The following TENM4 variants were observed in gnomAD, a reference collection of about 807,000 sequenced individuals.
TENM4 encodes teneurin transmembrane protein 4, also known as teneurin-4.
In TENM4, 82 loss-of-function variants were observed where a neutral mutation model predicts 243.3. The ratio of observed to expected loss-of-function variants is 0.34; its 90% CI spans 0.28 to 0.40. TENM4 has a LOEUF of 0.40. TENM4 is among the 10% of genes least tolerant of loss of function. TENM4 has a pLI of 1.00. For synonymous variants in TENM4, 1,412 were observed against 1,456.3 expected (o/e 0.97, Z 0.69); for missense variants, 3,138 against 3,673.3 (o/e 0.85, Z 3.77).
intron 6 of TENM4, among the ~76,000 whole-genome samples, chr11:78,934,683 T>C (rs1163306208): frequency 6.6e-6 from 1 of 152,214 alleles, no homozygotes; most frequent in Non-Finnish European, 1.5e-5. Context: ...AGCCATTACC[T>C]AGAGCAAGCT....
rs775776810 is a variant in TENM4, at chr11:78,729,366, G to C, written c.3406+10C>G. On this transcript the variant is annotated intron_variant, in intron 22 of 33. Coordinates refer to ENST00000278550, the MANE Select transcript of TENM4 (RefSeq NM_001098816.3). Reference sequence around the variant, plus strand: ...AGCTATTCTCTGAGTCCTGCAGCCGGGAGGCTTACCAAAGGCTTCTGAAAG... The same window carrying C: ...AGCTATTCTCTGAGTCCTGCAGCCGCGAGGCTTACCAAAGGCTTCTGAAAG... 2.6e-6 allele frequency: 4 copies of C among 1,564,748 alleles called. No individual in the cohort carries two copies. In the South Asian group the frequency reaches 3.5e-5, roughly 14 times the overall value.
chr11:78,977,912 T>G (rs1389825773), intron 6 of TENM4, among the ~76,000 whole-genome samples: 1 of 152,220 alleles, frequency 6.6e-6, no homozygotes. Context: ...TACATATGTT[T>G]ATTGCAGCAC....
At chr11:78,967,358 A>T (rs1241877979) in intron 6 of TENM4, among the ~76,000 whole-genome samples, 1 of 152,248 alleles carries the variant, frequency 6.6e-6, no homozygotes, top group Non-Finnish European at 1.5e-5. Context: ...GAGTACCTTG[A>T]TTATGGCACA....
chr11:79,265,456 A>G (rs375796405), intron 2 of TENM4, among the ~76,000 whole-genome samples: 31 of 152,252 alleles, frequency 2.0e-4, no homozygotes, highest in South Asian at 8.3e-4. Flanking sequence ...AAGAATTTAC[A>G]TTTTTCTTAA....
chr11:78,984,540 T>C (rs972086260), intron 6 of TENM4, among the ~76,000 whole-genome samples: 3 of 152,140 alleles, frequency 2.0e-5, no homozygotes, highest in Non-Finnish European at 2.9e-5. Flanking sequence ...AGTGCCTGAA[T>C]CCCATCTACA....
intron 23 of TENM4, among the ~76,000 whole-genome samples, chr11:78,723,743 C>A (rs893502734): frequency 6.6e-6 from 1 of 152,218 alleles, no homozygotes; most frequent in Non-Finnish European, 1.5e-5. Context: ...GCTGCCTCAC[C>A]TCTTCCATAC....
Position 78,767,001 on chromosome 11 carries a change from A to G in TENM4, c.2539+3991T>C, listed in dbSNP as rs1339081008. Among the ~76,000 whole-genome samples the G allele has an allele frequency of 2.0e-5, 3 of 152,156 alleles. No homozygotes were observed. In the East Asian group the frequency reaches 5.8e-4, roughly 29 times the overall value. ...TTTTCTTTTTGTCTCATAGTTTAAA[A>G]ACACTGCTGTAGCATTCTTTATGAA... is the stretch of plus-strand genomic sequence containing the variant. On this transcript the variant is annotated intron_variant, in intron 18 of 33. Transcript: ENST00000278550.
chr11:79,395,699 T>C (rs1858329400), intron 1 of TENM4, among the ~76,000 whole-genome samples: 1 of 152,212 alleles, frequency 6.6e-6, no homozygotes, highest in African/African-American at 2.4e-5. Flanking sequence ...TCTGGACATT[T>C]ACTGCCCACT....
intron 28 of TENM4, among the ~76,000 whole-genome samples, chr11:78,695,622 C>A (rs1387825632): frequency 6.6e-6 from 1 of 151,838 alleles, no homozygotes; most frequent in Non-Finnish European, 1.5e-5. Flanking sequence ...CTCGGCCTCC[C>A]AAAGTGCTGG....
chr11:78,897,881 T>G (rs140161520), intron 7 of TENM4, among the ~76,000 whole-genome samples: 1 of 152,202 alleles, frequency 6.6e-6, no homozygotes, highest in East Asian at 1.9e-4. Flanking sequence ...TTTCCCCAAA[T>G]TCAGTGTGAC....
chr11:78,957,121 G>A (rs538237811), intron 6 of TENM4, among the ~76,000 whole-genome samples: 10 of 152,308 alleles, frequency 6.6e-5, no homozygotes, highest in Non-Finnish European at 1.3e-4. Flanking sequence ...GCCAACAGGA[G>A]TTAGGTACTT....
chr11:79,235,268 T>G (rs995599744), intron 2 of TENM4, among the ~76,000 whole-genome samples: 4 of 151,936 alleles, frequency 2.6e-5, no homozygotes, highest in Admixed American at 2.6e-4. Flanking sequence ...AGCCAAGATA[T>G]CGCGCCACTG....
At chr11:78,800,219 A>G (rs1213916206) in intron 15 of TENM4, among the ~76,000 whole-genome samples, 1 of 152,172 alleles carries the variant, frequency 6.6e-6, no homozygotes, top group Admixed American at 6.5e-5. Flanking sequence ...GGAAGGGGAG[A>G]TGGGAGGAGT....
At chr11:79,345,753 T>C (rs1857315238) in intron 1 of TENM4, among the ~76,000 whole-genome samples, 1 of 152,204 alleles carries the variant, frequency 6.6e-6, no homozygotes, top group Admixed American at 6.5e-5. Flanking sequence ...CACAGGTGCT[T>C]AATAAATTAT....
chr11:78,737,033 T>C (rs1209443262), intron 20 of TENM4, among the ~76,000 whole-genome samples: 1 of 152,204 alleles, frequency 6.6e-6, no homozygotes, highest in African/African-American at 2.4e-5. Context: ...ATGAATCTAC[T>C]CTAACCAACC....
chr11:79,073,390 T>C (rs1418518143), intron 4 of TENM4, among the ~76,000 whole-genome samples: 3 of 152,216 alleles, frequency 2.0e-5, no homozygotes, highest in Non-Finnish European at 2.9e-5. Flanking sequence ...ATGATCTTTT[T>C]TTCATGTCTG....
At chr11:78,675,946 T>C (rs540400914) in intron 30 of TENM4, among the ~76,000 whole-genome samples, 62 of 152,318 alleles carry the variant, frequency 4.1e-4, no homozygotes, top group African/African-American at 1.5e-3. Context: ...CTCAGACCTG[T>C]CTAACACCAA....
chr11:79,269,596 G>GCAGGGCTCCT (rs1027155956), intron 2 of TENM4: 18 of 152,388 alleles, frequency 1.2e-4, no homozygotes, highest in African/African-American at 3.9e-4. Context: ...CTGGGAGAGA[G>GCAGGGCTCCT]CAGGGCTCCT....
chr11:78,918,028 C>T (rs1042155493), intron 6 of TENM4, among the ~76,000 whole-genome samples: 3 of 152,114 alleles, frequency 2.0e-5, no homozygotes, highest in Non-Finnish European at 2.9e-5. Context: ...AACTGAGGCT[C>T]GGGGAGAGAA....
Sources: gnomAD v4.1 joint callset for allele counts (sites outside exome capture counted in the v4.1 genomes callset) on GRCh38, gnomAD v4.1.1 for gene constraint, MANE v1.5 for transcripts, NCBI Gene and HGNC (gene_info 2026-07-23, HGNC 2026-07-21) for gene names.